Variants in ITPK1 observed in about 807,000 individuals in gnomAD.
The protein encoded by ITPK1 is inositol 1,3,4-trisphosphate 5/6-kinase.
A neutral mutation model predicts 45.3 loss-of-function variants in ITPK1; 21 were observed. That is an observed-to-expected ratio of 0.46 (90% CI 0.33 to 0.67). The LOEUF (loss-of-function observed/expected upper bound fraction) is 0.67, where lower values mean the gene tolerates loss of function less well. Ranked by LOEUF, ITPK1 falls within the 30% of genes least tolerant of loss-of-function variation. The probability of loss-of-function intolerance (pLI) is 0.02; values close to 1 mark genes in which losing one functional copy is unlikely to be tolerated. For synonymous variants in ITPK1, 258 were observed against 253.6 expected, an observed-to-expected ratio of 1.02 and a Z score of -0.16; for missense variants, 474 against 573.5, an observed-to-expected ratio of 0.83 and a Z score of 1.77.
intron 3 of ITPK1, among the ~76,000 whole-genome samples, chr14:93,031,750 C>T (rs888823837): frequency 1.3e-5 from 2 of 152,210 alleles, no homozygotes; most frequent in African/African-American, 4.8e-5. Context: ...CACACCCTGG[C>T]TTCCGGCCTG....
intron 2 of ITPK1, among the ~76,000 whole-genome samples, chr14:93,082,984 G>A (rs1891498141): frequency 6.6e-6 from 1 of 152,208 alleles, no homozygotes; most frequent in Non-Finnish European, 1.5e-5. Flanking sequence ...TCTGTCGCTG[G>A]CCGCTGAGCA....
In ITPK1 at chr14:93,066,205, C is replaced by T. The variant is rs577585524; in HGVS notation, c.120+10390G>A. 3.4e-4 allele frequency: 155 copies of T among 455,304 alleles called. 1 individual carries two copies. Among genetic ancestry groups the T allele is most frequent in the African/African-American group, 2.7e-3 (137 of 50,136 alleles). 28.2% of individuals were successfully genotyped at this position (455,304 alleles called of 1,614,324 possible). A position where few individuals can be genotyped will look rare whatever the true frequency, so the allele number is the denominator to read the frequency against. ...CTCACCCAGTAGACACAGCGCACAT[C>T]AGGGCCAGACCACGTGCTCCTCAGA... On this transcript the variant is annotated intron_variant, in intron 3 of 10. Coordinates refer to ENST00000267615, the MANE Select transcript of ITPK1 (RefSeq NM_014216.6).
intron 3 of ITPK1, among the ~76,000 whole-genome samples, chr14:93,047,422 T>C (rs1889823190): frequency 6.6e-6 from 1 of 152,168 alleles, no homozygotes; most frequent in African/African-American, 2.4e-5. Context: ...GCAGATATAA[T>C]CAAATTAAGA....
chr14:93,069,744 GTC>G (rs1890912268), intron 3 of ITPK1: 1 of 152,164 alleles, frequency 6.6e-6, no homozygotes, highest in African/African-American at 2.4e-5. Context: ...GGGTCTTAGT[GTC>G]TCTTTCTCAG....
intron 2 of ITPK1, 111 bp downstream of exon 2, chr14:93,114,958 C>T: frequency 1.8e-6 from 1 of 568,006 alleles, no homozygotes; most frequent in South Asian, 2.6e-5. Flanking sequence ...CGCTTCTTCC[C>T]GTTTGGCTCC....
intron 4 of ITPK1, among the ~76,000 whole-genome samples, chr14:93,002,786 A>AAGGCAGTGGTAGCG (rs1887417224): frequency 1.3e-5 from 2 of 152,244 alleles, no homozygotes; most frequent in South Asian, 4.1e-4. Flanking sequence ...GGAAAGGGGA[A>AAGGCAGTGGTAGCG]AGGCAGTGGT....
chr14:92,958,785 G>A lies in ITPK1; in HGVS notation c.505-419C>T, dbSNP rs866526956. Among the ~76,000 whole-genome samples the A allele has an allele frequency of 5.3e-5, 8 of 152,290 alleles. No individual in the cohort carries two copies. Among genetic ancestry groups the A allele is most frequent in the Admixed American group, 1.3e-4 (2 of 15,306 alleles). On this transcript the variant is annotated intron_variant, in intron 7 of 10. Transcript: ENST00000267615. The surrounding 1 kb of genome is among the most constrained non-coding windows in gnomAD (Gnocchi z 4.4). ...CAGATGACTCGGGCGCAGGAGTCAGGAGGCCTTGGGTCAAAGCCTGTCTGA... is the reference window on the plus strand; with the variant it reads ...CAGATGACTCGGGCGCAGGAGTCAGAAGGCCTTGGGTCAAAGCCTGTCTGA...
intron 2 of ITPK1, among the ~76,000 whole-genome samples, chr14:93,085,024 G>T (rs969549315): frequency 6.6e-6 from 1 of 152,202 alleles, no homozygotes; most frequent in African/African-American, 2.4e-5. Context: ...GGCCTGGCAG[G>T]CTCTCTGCAA....
chr14:92,988,985 G>T (rs887550145), intron 5 of ITPK1, among the ~76,000 whole-genome samples: 6 of 152,142 alleles, frequency 3.9e-5, no homozygotes, highest in African/African-American at 1.4e-4. Context: ...GGCAGGGTCT[G>T]AGGCCTTGAC....
In ITPK1 at chr14:93,062,598, C is replaced by T. The variant is rs149835671; in HGVS notation, c.120+13997G>A. On this transcript the variant is annotated intron_variant, in intron 3 of 10. Transcript: ENST00000267615. Reference sequence around the variant, plus strand: ...GTTCCCACAAGCTACACAGGAGGCTCTCCAGACCTTCCTGAAAGGCACTTT... The same window carrying T: ...GTTCCCACAAGCTACACAGGAGGCTTTCCAGACCTTCCTGAAAGGCACTTT... Among the ~76,000 whole-genome samples, 1,192 of 152,258 alleles carry T rather than the reference C, an allele frequency of 7.8e-3. 9 individuals carry two copies. Among genetic ancestry groups the T allele is most frequent in the Non-Finnish European group, 0.01 (709 of 68,014 alleles).
At chr14:93,018,708 C>T (rs968096520) in intron 3 of ITPK1, among the ~76,000 whole-genome samples, 1 of 152,140 alleles carries the variant, frequency 6.6e-6, no homozygotes, top group Admixed American at 6.5e-5. Flanking sequence ...AAAGACACTT[C>T]CCAATATCTC....
intron 10 of ITPK1, among the ~76,000 whole-genome samples, chr14:92,943,633 G>A (rs1321032507): frequency 6.6e-6 from 1 of 152,246 alleles, no homozygotes; most frequent in African/African-American, 2.4e-5. Flanking sequence ...CCCAGACAAC[G>A]CCCAGTGGCC....
At chr14:93,065,502 G>C (rs1247400885) in intron 3 of ITPK1, among the ~76,000 whole-genome samples, 1 of 152,082 alleles carries the variant, frequency 6.6e-6, no homozygotes, top group Admixed American at 6.5e-5. Context: ...TATGAGACTG[G>C]GTCCATTATT....
At chr14:93,091,822 T>C (rs1029176819) in intron 2 of ITPK1, among the ~76,000 whole-genome samples, 3 of 152,068 alleles carry the variant, frequency 2.0e-5, no homozygotes, top group African/African-American at 7.2e-5. Context: ...CTCTGCCAGG[T>C]CCAGACTCCA....
intron 2 of ITPK1, among the ~76,000 whole-genome samples, chr14:93,086,197 A>G (rs1201603543): frequency 2.6e-5 from 4 of 152,140 alleles, no homozygotes; most frequent in African/African-American, 4.8e-5. Context: ...GAAAGCCTGA[A>G]TTGTTCTAGC....
chr14:93,085,442 G>A (rs1201963970), intron 2 of ITPK1, among the ~76,000 whole-genome samples: 3 of 152,182 alleles, frequency 2.0e-5, no homozygotes, highest in Non-Finnish European at 4.4e-5. Flanking sequence ...GCCTGAGTCA[G>A]TACACTCCCT....
intron 3 of ITPK1, among the ~76,000 whole-genome samples, chr14:93,057,330 G>A (rs1278943172): frequency 1.3e-5 from 2 of 152,202 alleles, no homozygotes; most frequent in Non-Finnish European, 2.9e-5. Context: ...CTCGAAATCT[G>A]TCCTGCTGAA....
chr14:93,114,241 C>G (rs1474448522), intron 2 of ITPK1, among the ~76,000 whole-genome samples: 1 of 152,228 alleles, frequency 6.6e-6, no homozygotes, highest in East Asian at 1.9e-4. Context: ...CTACCTGACC[C>G]AAGACTCAGT....
chr14:93,081,073 T>C (rs1490213105), intron 2 of ITPK1, among the ~76,000 whole-genome samples: 1 of 149,084 alleles, frequency 6.7e-6, no homozygotes, highest in East Asian at 2.1e-4. Flanking sequence ...CTCACGCCTG[T>C]AATCCCAGCA....
Sources: allele counts gnomAD v4.1 joint callset (sites outside exome capture counted in the v4.1 genomes callset), GRCh38; gene constraint gnomAD v4.1.1; non-coding constraint Gnocchi (gnomAD v3.1); transcripts MANE v1.5; gene names NCBI Gene and HGNC (gene_info 2026-07-23, HGNC 2026-07-21).